The following KHNYN variants were observed in gnomAD, a reference collection of about 807,000 sequenced individuals.
KHNYN encodes KH and NYN domain containing.
KHNYN carries 42 observed loss-of-function variants against 62.7 expected under a neutral mutation model. That is an observed-to-expected ratio of 0.67 (90% confidence interval 0.52 to 0.87). The LOEUF is 0.87. Ranked by LOEUF, KHNYN falls within the 40% of genes least tolerant of loss-of-function variation. The pLI is 0.00. For missense variants in KHNYN, 829 were observed against 874.1 expected, an observed-to-expected ratio of 0.95 and a Z score of 0.65; for synonymous variants, 347 against 345.6, an observed-to-expected ratio of 1.00 and a Z score of -0.04.
chr14:24,441,054 G>A lies in KHNYN; in HGVS notation c.*3769G>A, dbSNP rs1436919461. On this transcript the variant is annotated 3_prime_UTR_variant, in exon 8 of 8. Coordinates refer to ENST00000553935, the MANE Select transcript of KHNYN (RefSeq NM_015299.3). ...TCCCCATTTGGAGACAGAGCCATTT[G>A]GATATTTTCCCCTTGAACTTCTCCA... 1 of 1,048,596 alleles carries A rather than the reference G, an allele frequency of 9.5e-7. No individual in the cohort carries two copies. The highest frequency in any genetic ancestry group is 2.6e-5 in the East Asian group (1 of 38,988). The allele number at this position is 1,048,596 out of a possible 1,614,324, so 65.0% of individuals were successfully genotyped here.
At chr14:24,429,617 C>T (rs2139373919), upstream of KHNYN, 6 of 1,039,216 alleles carry the variant, frequency 5.8e-6, no homozygotes, top group South Asian at 9.7e-5. Flanking sequence ...CCCTCCGCCA[C>T]GATTGCTTTG....
chr14:24,427,483 G>C (rs368424243), upstream of KHNYN: 273 of 345,446 alleles, frequency 7.9e-4, no homozygotes, highest in African/African-American at 5.5e-3. The surrounding 1 kb of genome is among the most constrained non-coding windows in gnomAD (Gnocchi z 4.4). Context: ...CGGAGGAGCA[G>C]AGGCCGCAAA....
In KHNYN at chr14:24,431,459, C is replaced by G; in HGVS notation, c.202-4C>G. 1 of 1,553,106 alleles carries G rather than the reference C, an allele frequency of 6.4e-7. No individual in the cohort carries two copies. Among genetic ancestry groups the G allele is most frequent in the South Asian group, 1.2e-5 (1 of 83,588 alleles). On this transcript the variant is annotated splice_polypyrimidine_tract_variant and splice_region_variant and intron_variant, in intron 2 of 7. Coordinates refer to ENST00000553935, the MANE Select transcript of KHNYN (RefSeq NM_015299.3). ...TTTCCTGACCTTCCCTTCCTCCCAA[C>G]CAGGAGTACCTGAAGGGCCTCTGCA...
At chr14:24,426,428 T>C (rs2043020684), upstream of KHNYN, 1 of 152,256 alleles carries the variant, frequency 6.6e-6, no homozygotes, top group Non-Finnish European at 1.5e-5. Flanking sequence ...TATCAGATTG[T>C]TCCTGATGTT....
chr14:24,428,147 C>T, upstream of KHNYN: 2 of 1,359,144 alleles, frequency 1.5e-6, no homozygotes, highest in South Asian at 1.3e-5. Flanking sequence ...ACACTCAATG[C>T]AAGGCAGGCC....
chr14:24,428,660 T>C, upstream of KHNYN: 1 of 1,403,602 alleles, frequency 7.1e-7, no homozygotes, highest in Non-Finnish European at 9.7e-7. Flanking sequence ...AGCTGTTTTC[T>C]TAAAGCCTCA....
Position 24,438,534 on chromosome 14 carries a change from T to G in KHNYN, c.*1249T>G, listed in dbSNP as rs2043243119. On this transcript the variant is annotated 3_prime_UTR_variant, in exon 8 of 8. Coordinates refer to ENST00000553935, the MANE Select transcript of KHNYN (RefSeq NM_015299.3). ...ACTTGACTGGCCACCAGACCAACTC[T>G]GCTGTTACTGACATGCTTTCTTCAC... The G allele has an allele frequency of 6.6e-6, 1 of 152,218 alleles. No homozygotes were observed. Among genetic ancestry groups the G allele is most frequent in the Non-Finnish European group, 1.5e-5 (1 of 68,034 alleles). The allele number at this position is 152,218 out of a possible 1,614,324, so 9.4% of individuals were successfully genotyped here. A position where few individuals can be genotyped will look rare whatever the true frequency, so the allele number is the denominator to read the frequency against.
upstream of KHNYN, chr14:24,428,278 G>A: frequency 5.6e-6 from 9 of 1,613,520 alleles, no homozygotes; most frequent in Non-Finnish European, 6.8e-6. Flanking sequence ...GGCCAGTGCT[G>A]AGGTCACCTG....
chr14:24,436,281 G>A (rs1161950156), intron 6 of KHNYN, 102 bp downstream of exon 6: 5 of 1,441,334 alleles, frequency 3.5e-6, no homozygotes, highest in Non-Finnish European at 4.9e-6. Context: ...AGGAGGTGAA[G>A]TTTTCTTGAA....
chr14:24,426,066 G>A (rs1235306010), upstream of KHNYN, among the ~76,000 whole-genome samples: 1 of 152,174 alleles, frequency 6.6e-6, no homozygotes, highest in Non-Finnish European at 1.5e-5. Context: ...TCTTCACTCA[G>A]CATATTAACT....
Position 24,436,073 on chromosome 14 carries a change from T to C in KHNYN, c.1579T>C (p.Phe527Leu). Residue 527 changes from phenylalanine (F) to leucine (L), a missense_variant and splice_region_variant, in exon 6 of 8, where the codon TTC (phenylalanine) becomes CTC (leucine). By Grantham distance (22) the Phe-to-Leu change is conservative. Around this residue, in one of 2 missense-constraint regions of KHNYN, gnomAD observed 270 missense variants for 347.1 expected, o/e 0.78. Transcript: ENST00000553935. ...CGGTTGCTGTGGTTTTGGAGACAGG[T>C]TCATGGTGAAGCTGGCTGAAGAGAC... is the stretch of plus-strand genomic sequence containing the variant. ...GKRISSYDDR[F>L]MVKLAEETDG... The C allele has an allele frequency of 5.6e-6, 9 of 1,613,772 alleles. No homozygotes were observed. The highest frequency in any genetic ancestry group is 7.6e-6 in the Non-Finnish European group (9 of 1,179,734).
intron 5 of KHNYN, chr14:24,435,507 C>T (rs1365506935): frequency 6.5e-6 from 1 of 153,836 alleles, no homozygotes; most frequent in Non-Finnish European, 1.4e-5. Flanking sequence ...GGAGGTTATG[C>T]ATAATCTCAG....
chr14:24,427,247 C>T (rs892123104), upstream of KHNYN: 14 of 163,386 alleles, frequency 8.6e-5, no homozygotes, highest in African/African-American at 3.4e-4. This position sits in a 1 kb window ranked among gnomAD's most constrained non-coding sequence, Gnocchi z 4.4. Context: ...GACTCCAGGC[C>T]CTTCCCACCC....
Position 24,432,317 on chromosome 14 carries a change from C to G in KHNYN, c.1056C>G (p.Ala352=), listed in dbSNP as rs752603043. 6.2e-7 allele frequency: 1 copy of G among 1,614,084 alleles called. No individual in the cohort carries two copies. The highest frequency in any genetic ancestry group is 2.2e-5 in the East Asian group (1 of 44,876). Residue 352 remains alanine (A), a synonymous_variant, in exon 3 of 8, where the codon GCC becomes GCG. Coordinates refer to ENST00000553935, the MANE Select transcript of KHNYN (RefSeq NM_015299.3). The surrounding 1 kb of genome is among the most constrained non-coding windows in gnomAD (Gnocchi z 5.6). ...SLLQRLHNGN[A]SPPRVPSPPP... ...TCCAGCGGCTCCACAATGGGAATGC[C>G]TCTCCTCCGAGGGTGCCCAGCCCTC... is the stretch of plus-strand genomic sequence containing the variant.
Position 24,440,287 on chromosome 14 carries a change from A to G in KHNYN, c.*3002A>G. The G allele has an allele frequency of 6.2e-7, 1 of 1,613,998 alleles. No individual in the cohort carries two copies. Among genetic ancestry groups the G allele is most frequent in the Non-Finnish European group, 8.5e-7 (1 of 1,179,878 alleles). ...CAGCACCCAAGGTCTGGGCAAACTC[A>G]GCATTAGTGGCGGAGGATGGAGCCA... On this transcript the variant is annotated 3_prime_UTR_variant, in exon 8 of 8. Coordinates refer to ENST00000553935, the MANE Select transcript of KHNYN (RefSeq NM_015299.3).
At chr14:24,426,144 A>C (rs76708725), upstream of KHNYN, among the ~76,000 whole-genome samples, 3,409 of 152,352 alleles carry the variant, frequency 0.022, 65 homozygotes, top group African/African-American at 0.049. Flanking sequence ...GGATTTAAAA[A>C]ATTCACCTTG....
intron 5 of KHNYN, 40 bp downstream of exon 5, chr14:24,433,072 G>C: frequency 1.3e-6 from 2 of 1,550,284 alleles, no homozygotes; most frequent in Non-Finnish European, 1.8e-6. Context: ...GATATTGAAG[G>C]AGCCCTATGG....
rs1332229960 is a variant in KHNYN, at chr14:24,440,683, TCTCA to T, written c.*3402_*3405del. On this transcript the variant is annotated 3_prime_UTR_variant, in exon 8 of 8. Coordinates refer to ENST00000553935, the MANE Select transcript of KHNYN (RefSeq NM_015299.3). ...AGGTTGGCTAGAAGTGGTGGCATCCTCTCACTCTGTAATTGTAATCTCAGCTCTC... is the reference window on the plus strand; with the variant it reads ...AGGTTGGCTAGAAGTGGTGGCATCCTCTCTGTAATTGTAATCTCAGCTCTC... 6.8e-7 allele frequency: 1 copy of T among 1,476,826 alleles called. No individual in the cohort carries two copies. Among genetic ancestry groups the T allele is most frequent in the Admixed American group, 1.9e-5 (1 of 52,466 alleles). 91.5% of individuals were successfully genotyped at this position (1,476,826 alleles called of 1,614,324 possible). A position where few individuals can be genotyped will look rare whatever the true frequency, so the allele number is the denominator to read the frequency against.
rs1459815053 is a variant in KHNYN, at chr14:24,432,139, G to A, written c.878G>A (p.Gly293Asp). ...GTGGCCCTCAGGCCACAGTCAGTGGGTGGAGGGGCAAGGGAGTCAGCACCC... is the reference window on the plus strand; with the variant it reads ...GTGGCCCTCAGGCCACAGTCAGTGGATGGAGGGGCAAGGGAGTCAGCACCC... ...REVALRPQSV[G>D]GGARESAPLK... The change falls in exon 3 of 8, where the codon GGT (glycine) becomes GAT (aspartate). Residue 293 changes from glycine (G) to aspartate (D), a missense_variant. Gly to Asp is a moderately conservative substitution (Grantham distance 94, BLOSUM62 -1). Coordinates refer to ENST00000553935, the MANE Select transcript of KHNYN (RefSeq NM_015299.3). The surrounding 1 kb of genome is among the most constrained non-coding windows in gnomAD (Gnocchi z 5.6). 6.4e-7 allele frequency: 1 copy of A among 1,554,290 alleles called. No individual in the cohort carries two copies. The highest frequency in any genetic ancestry group is 1.9e-5 in the Admixed American group (1 of 52,672).
Sources: gnomAD v4.1 joint callset for allele counts (sites outside exome capture counted in the v4.1 genomes callset) on GRCh38, gnomAD v4.1.1 for gene constraint, gnomAD v4.1.1 regional missense constraint, Gnocchi (gnomAD v3.1) non-coding constraint, MANE v1.5 for transcripts, NCBI Gene and HGNC (gene_info 2026-07-23, HGNC 2026-07-21) for gene names.